The following EPB41L3 variants were observed in gnomAD, a reference collection of about 807,000 sequenced individuals.
EPB41L3 encodes the protein band 4.1-like protein 3.
In EPB41L3, 57 loss-of-function variants were observed where a neutral mutation model predicts 127.1. The observed-to-expected ratio is 0.45, with a 90% CI of 0.36 to 0.56. The LOEUF is 0.56. Among genes scored for constraint, EPB41L3 ranks in the 20% least tolerant of loss-of-function variants. The pLI is 0.00. For synonymous variants in EPB41L3, 572 were observed against 549.5 expected (o/e 1.04, Z -0.57); for missense variants, 1,273 against 1,372.2 (o/e 0.93, Z 1.14).
At chr18:5,440,526 C>T (rs921464511) in intron 5 of EPB41L3, among the ~76,000 whole-genome samples, 2 of 151,586 alleles carry the variant, frequency 1.3e-5, no homozygotes, top group Non-Finnish European at 2.9e-5. Flanking sequence ...AAATGAGGGC[C>T]CTAGTTAGAA....
chr18:5,589,942 T>C (rs957283206), intron 3 of EPB41L3, among the ~76,000 whole-genome samples: 2 of 152,234 alleles, frequency 1.3e-5, no homozygotes, highest in African/African-American at 4.8e-5. Flanking sequence ...AGTAAAATTG[T>C]GTTTTGTCCT....
At chr18:5,586,566 T>A (rs1159889400) in intron 3 of EPB41L3, among the ~76,000 whole-genome samples, 1 of 31,652 alleles carries the variant, frequency 3.2e-5, no homozygotes, top group East Asian at 7.3e-4. Flanking sequence ...TACATGACTA[T>A]TTTTTTTTTT....
intron 3 of EPB41L3, among the ~76,000 whole-genome samples, chr18:5,566,788 T>TATTCTATTCCATTCCATTCC (rs1555804087): frequency 8.2e-4 from 92 of 112,496 alleles, no homozygotes; most frequent in South Asian, 4.9e-3. Flanking sequence ...TATTCTATTC[T>TATTCTATTCCATTCCATTCC]ATTCCATTCC....
chr18:5,445,364 A>G (rs1471661366), intron 3 of EPB41L3, 120 bp from the exon 4 acceptor site: 2 of 770,062 alleles, frequency 2.6e-6, no homozygotes, highest in East Asian at 2.7e-5. Context: ...GGAGTGACCA[A>G]CAGTGTGATC....
At position 5,540,367 on chromosome 18, in the gene EPB41L3, G is replaced by C. The variant is rs190704813; in HGVS notation, c.-12+3546C>G. On this transcript the variant is annotated intron_variant, in intron 1 of 22. Coordinates refer to ENST00000341928, the MANE Select transcript of EPB41L3 (RefSeq NM_012307.5). ...CGCAATGCAGTTCAACTTGAGAAAGGAGTCTCATTGATTGATCAGGCAAAG... is the reference window on the plus strand; with the variant it reads ...CGCAATGCAGTTCAACTTGAGAAAGCAGTCTCATTGATTGATCAGGCAAAG... 1.3e-4 allele frequency: 130 copies of C among 985,412 alleles called. No homozygotes were observed. In the African/African-American group the frequency reaches 2.2e-3, roughly 16 times the overall value. 61.0% of individuals were successfully genotyped at this position (985,412 alleles called of 1,614,324 possible). A position where few individuals can be genotyped will look rare whatever the true frequency, so the allele number is the denominator to read the frequency against.
intron 3 of EPB41L3, among the ~76,000 whole-genome samples, chr18:5,589,302 C>T (rs992655348): frequency 6.6e-6 from 1 of 150,780 alleles, no homozygotes; most frequent in Non-Finnish European, 1.5e-5. Context: ...CTCCCCACCA[C>T]CCCCACCCCT....
At position 5,470,518 on chromosome 18, in the gene EPB41L3, G is replaced by T. The variant is rs1048746279; in HGVS notation, c.381+7723C>A. Among the ~76,000 whole-genome samples, 10 of 152,300 alleles carry T rather than the reference G, an allele frequency of 6.6e-5. No homozygotes were observed. In the East Asian group the frequency reaches 1.9e-3, roughly 29 times the overall value. The stretch of plus-strand genomic sequence containing the variant: ...GGATTCACTCTTGTTAAAAAAAATA[G>T]TTCAGTGCTTATAATGCACAAATTG... On this transcript the variant is annotated intron_variant, in intron 3 of 22. Transcript: ENST00000341928.
intron 20 of EPB41L3, among the ~76,000 whole-genome samples, 178 bp downstream of exon 20, chr18:5,395,431 G>C (rs7229903): frequency 6.6e-6 from 1 of 152,146 alleles, no homozygotes; most frequent in African/African-American, 2.4e-5. Flanking sequence ...GAACTCGCAC[G>C]TGAGGACAAG....
intron 1 of EPB41L3, among the ~76,000 whole-genome samples, chr18:5,618,856 C>T (rs1446327897): frequency 6.6e-6 from 1 of 152,184 alleles, no homozygotes; most frequent in Non-Finnish European, 1.5e-5. Flanking sequence ...CATGTGCTCA[C>T]AAACATCCTG....
chr18:5,617,252 G>T (rs897343205), intron 1 of EPB41L3, among the ~76,000 whole-genome samples: 1 of 151,922 alleles, frequency 6.6e-6, no homozygotes, highest in South Asian at 2.1e-4. Context: ...GATGATAAAT[G>T]AATATCAAAC....
upstream of EPB41L3, chr18:5,630,660 C>T (rs750997653): frequency 8.5e-6 from 3 of 352,712 alleles, no homozygotes; most frequent in South Asian, 4.2e-5. Context: ...CTTCGGGCGC[C>T]TGTGACAGCC....
chr18:5,538,176 T>G (rs2093625205), intron 1 of EPB41L3, among the ~76,000 whole-genome samples: 1 of 152,176 alleles, frequency 6.6e-6, no homozygotes, highest in Non-Finnish European at 1.5e-5. Flanking sequence ...GGCCAAGGTG[T>G]TCCCAAAAAT....
chr18:5,559,806 T>A (rs922317856), intron 3 of EPB41L3, among the ~76,000 whole-genome samples: 1 of 152,204 alleles, frequency 6.6e-6, no homozygotes, highest in African/African-American at 2.4e-5. Context: ...AGATTCTCAG[T>A]ACATAATCCA....
At chr18:5,628,486 C>T (rs2094948887) in intron 1 of EPB41L3, among the ~76,000 whole-genome samples, 1 of 152,226 alleles carries the variant, frequency 6.6e-6, no homozygotes, top group South Asian at 2.1e-4. Flanking sequence ...CCTCGCCTCG[C>T]CTCCGGGATC....
intron 1 of EPB41L3, among the ~76,000 whole-genome samples, chr18:5,506,426 G>A (rs1252356423): frequency 6.6e-6 from 1 of 152,052 alleles, no homozygotes; most frequent in Non-Finnish European, 1.5e-5. Context: ...ATTCTTGCCT[G>A]GAACATATGT....
At chr18:5,505,562 A>C (rs1033617075) in intron 1 of EPB41L3, among the ~76,000 whole-genome samples, 109 of 46,430 alleles carry the variant, frequency 2.3e-3, no homozygotes, top group Non-Finnish European at 2.6e-3. Context: ...TTCAGCTCTT[A>C]CCCTCCCCAC....
intron 3 of EPB41L3, among the ~76,000 whole-genome samples, chr18:5,589,213 C>T (rs1199469763): frequency 3.3e-5 from 5 of 152,096 alleles, no homozygotes; most frequent in African/African-American, 1.2e-4. Context: ...CTTATAAATG[C>T]TAATGATTAC....
At chr18:5,497,913 G>A (rs1036545695) in intron 1 of EPB41L3, among the ~76,000 whole-genome samples, 4 of 152,142 alleles carry the variant, frequency 2.6e-5, no homozygotes, top group East Asian at 1.9e-4. Context: ...CATTTGTTTC[G>A]ACATAATTTG....
intron 1 of EPB41L3, among the ~76,000 whole-genome samples, chr18:5,522,981 G>T (rs9944555): frequency 0.011 from 1,636 of 152,164 alleles, 27 homozygotes; most frequent in African/African-American, 0.038. Flanking sequence ...GACTGAGCTG[G>T]TATTATATGT....
Sources: allele counts gnomAD v4.1 joint callset (sites outside exome capture counted in the v4.1 genomes callset), GRCh38; gene constraint gnomAD v4.1.1; transcripts MANE v1.5; gene names NCBI Gene and HGNC (gene_info 2026-07-23, HGNC 2026-07-21).